Variants in DOP1A observed in about 807,000 individuals in gnomAD.
The protein encoded by DOP1A is protein DOP1A.
In DOP1A, 90 loss-of-function variants were observed where a neutral mutation model predicts 267.6. The ratio of observed to expected loss-of-function variants is 0.34; its 90% confidence interval spans 0.28 to 0.40. The LOEUF is 0.40. DOP1A is among the 10% of genes least tolerant of loss of function. The probability of loss-of-function intolerance (pLI) is 1.00; values close to 1 mark genes in which losing one functional copy is unlikely to be tolerated. For synonymous variants in DOP1A, 932 were observed against 999.1 expected (o/e 0.93, Z 1.27); for missense variants, 2,437 against 2,900.4 (o/e 0.84, Z 3.67).
chr6:83,155,689 A>T (rs1782646439), intron 33 of DOP1A, among the ~76,000 whole-genome samples: 1 of 152,192 alleles, frequency 6.6e-6, no homozygotes, highest in Non-Finnish European at 1.5e-5. Flanking sequence ...AGGGTTTTAT[A>T]TAAATGGTAT....
At chr6:83,154,116 A>G in intron 32 of DOP1A, 64 bp from the exon 33 acceptor site, 1 of 1,611,614 alleles carries the variant, frequency 6.2e-7, no homozygotes. Flanking sequence ...TCCCCTGGAA[A>G]GTTAGAATAC....
intron 24 of DOP1A, among the ~76,000 whole-genome samples, chr6:83,145,289 A>G: frequency 8.4e-6 from 1 of 118,596 alleles, no homozygotes; most frequent in Non-Finnish European, 1.7e-5. Context: ...TTTATATTAA[A>G]TAGAGGCCAG....
chr6:83,137,028 CAATAA>C (rs1431342951), intron 20 of DOP1A, 140 bp from the exon 21 acceptor site: 9 of 809,064 alleles, frequency 1.1e-5, no homozygotes, highest in East Asian at 2.9e-5. Context: ...CTTTCACCTG[CAATAA>C]AATAAAATGT....
chr6:83,167,789 ATAT>A, intron 38 of DOP1A, 70 bp from the exon 39 acceptor site: 1 of 1,476,884 alleles, frequency 6.8e-7, no homozygotes, highest in Non-Finnish European at 9.0e-7. Flanking sequence ...GCCAAAGTTT[ATAT>A]ATTTTTAATT....
At chr6:83,114,430 A>G (rs990886952) in intron 7 of DOP1A, among the ~76,000 whole-genome samples, 10 of 152,320 alleles carry the variant, frequency 6.6e-5, no homozygotes, top group African/African-American at 2.2e-4. Context: ...GCCAAACAGC[A>G]GCTCATAAGT....
chr6:83,084,475 A>T (rs1490060252), intron 1 of DOP1A, among the ~76,000 whole-genome samples: 1 of 152,250 alleles, frequency 6.6e-6, no homozygotes, highest in Non-Finnish European at 1.5e-5. Flanking sequence ...AAAGTATAAT[A>T]AAACTTTTTC....
chr6:83,071,972 A>T (rs1785690243), intron 1 of DOP1A, among the ~76,000 whole-genome samples: 1 of 152,160 alleles, frequency 6.6e-6, no homozygotes, highest in South Asian at 2.1e-4. Context: ...TGAGTAGATG[A>T]GGTAATAAAG....
chr6:83,104,381 T>G (rs1447792069), intron 4 of DOP1A, among the ~76,000 whole-genome samples: 1 of 152,196 alleles, frequency 6.6e-6, no homozygotes, highest in Non-Finnish European at 1.5e-5. Flanking sequence ...TGTTAAATAT[T>G]TTTGAAGGTT....
Position 83,100,883 on chromosome 6 carries a change from A to G in DOP1A, c.317A>G (p.Tyr106Cys), listed in dbSNP as rs1772441956. 3 of 1,499,850 alleles carry G rather than the reference A, an allele frequency of 2.0e-6. No homozygotes were observed. Among genetic ancestry groups the G allele is most frequent in the Non-Finnish European group, 2.7e-6 (3 of 1,119,828 alleles). 92.9% of individuals were successfully genotyped at this position (1,499,850 alleles called of 1,614,324 possible). Residue 106 changes from tyrosine to cysteine, a missense_variant, in exon 4 of 39, where the codon TAT (tyrosine) becomes TGT (cysteine). Coordinates refer to ENST00000349129, the MANE Select transcript of DOP1A (RefSeq NM_015018.4). ...PKRLAKDLFLYSSGLFPLLAN... is the reference protein window; with the variant it reads ...PKRLAKDLFLCSSGLFPLLAN... ...CGACTTGCCAAAGATCTTTTTTTATATAGGTAAGAATAATTTTACTATATA... is the reference window on the plus strand; with the variant it reads ...CGACTTGCCAAAGATCTTTTTTTATGTAGGTAAGAATAATTTTACTATATA...
At chr6:83,124,869 C>G (rs754542741) in intron 13 of DOP1A, 50 bp downstream of exon 13, 2 of 1,431,462 alleles carry the variant, frequency 1.4e-6, no homozygotes, top group South Asian at 2.4e-5. Context: ...TAACGTAGTT[C>G]AAATATTTCG....
At chr6:83,110,538 A>C (rs1362125044) in intron 6 of DOP1A, among the ~76,000 whole-genome samples, 2 of 152,194 alleles carry the variant, frequency 1.3e-5, no homozygotes, top group African/African-American at 2.4e-5. Flanking sequence ...TCTTTATAAG[A>C]AGTGAATTTT....
At chr6:83,105,451 G>A (rs1479934754) in intron 4 of DOP1A, among the ~76,000 whole-genome samples, 9 of 123,794 alleles carry the variant, frequency 7.3e-5, no homozygotes, top group Non-Finnish European at 1.1e-4. Context: ...TGCAACCTCC[G>A]CCTCCCAGGT....
rs768736486 is a variant in DOP1A, at chr6:83,151,873, AT to A, written c.5905-3del. ...GTACCATACATAGTTGTTCTTCCTT[AT>A]TTTTTTAGGATGTAACTCACAAAAT... On this transcript the variant is annotated splice_polypyrimidine_tract_variant and intron_variant, in intron 28 of 38. Coordinates refer to ENST00000349129, the MANE Select transcript of DOP1A (RefSeq NM_015018.4). The A allele has an allele frequency of 1.4e-5, 23 of 1,612,864 alleles. No individual in the cohort carries two copies. The Admixed American group carries it at 3.8e-4, about 27-fold the overall frequency.
At chr6:83,139,549 T>C (rs1779297693) in intron 21 of DOP1A, among the ~76,000 whole-genome samples, 1 of 152,184 alleles carries the variant, frequency 6.6e-6, no homozygotes, top group Non-Finnish European at 1.5e-5. Flanking sequence ...TTCCATCCAA[T>C]TTTATTTCTT....
At position 83,151,986 on chromosome 6, in the gene DOP1A, A is replaced by G. The variant is rs140403175; in HGVS notation, c.6008A>G (p.Lys2003Arg). Residue 2003 changes from lysine to arginine, a missense_variant, in exon 29 of 39, where the codon AAA becomes AGA. Coordinates refer to ENST00000349129, the MANE Select transcript of DOP1A (RefSeq NM_015018.4). ...AATCTTGAAGTTAAGCCTTCTCCCA[A>G]AATAATGGTAGATGGAACCAATTTG... The part of the protein sequence containing the change: ...RRNLEVKPSP[K>R]IMVDGTNLES... 11 of 1,613,840 alleles carry G rather than the reference A, an allele frequency of 6.8e-6. No homozygotes were observed. The highest frequency in any genetic ancestry group is 1.3e-5 in the African/African-American group (1 of 74,892).
chr6:83,090,031 T>G (rs1196885641), intron 1 of DOP1A, among the ~76,000 whole-genome samples: 3 of 152,242 alleles, frequency 2.0e-5, no homozygotes, highest in Admixed American at 6.5e-5. Context: ...TTTTCCAGTT[T>G]GCTGCCAAGA....
At chr6:83,151,691 G>C in intron 28 of DOP1A, 32 bp downstream of exon 28, 1 of 1,566,934 alleles carries the variant, frequency 6.4e-7, no homozygotes, top group Non-Finnish European at 8.6e-7. Context: ...TGCCAAAACT[G>C]TTTCTCAGTG....
chr6:83,168,409 A>G lies in DOP1A; in HGVS notation c.*242A>G, dbSNP rs1405600878. On this transcript the variant is annotated 3_prime_UTR_variant, in exon 39 of 39. Transcript: ENST00000349129. Reference sequence around the variant, plus strand: ...CTATATATATACACATGTAAAGTCCATTGTTTTTATTGTCCTGAGTTGTCT... The same window carrying G: ...CTATATATATACACATGTAAAGTCCGTTGTTTTTATTGTCCTGAGTTGTCT... The G allele has an allele frequency of 2.5e-6, 3 of 1,207,968 alleles. No individual in the cohort carries two copies. The African/African-American group carries it at 4.7e-5, about 19-fold the overall frequency. The allele number at this position is 1,207,968 out of a possible 1,614,324, so 74.8% of individuals were successfully genotyped here.
rs370298408 is a variant in DOP1A at position 83,096,964 on chromosome 6, G to A, written c.-14G>A. The A allele has an allele frequency of 1.2e-6, 2 of 1,613,068 alleles. No homozygotes were observed. Among genetic ancestry groups the A allele is most frequent in the African/African-American group, 1.3e-5 (1 of 75,004 alleles). ...TGAGTTTGGAACTGGTCTCTAGTGG[G>A]AAGTTGTGGGAGGATGAACACAGAA... On this transcript the variant is annotated 5_prime_UTR_variant, in exon 3 of 39. Coordinates refer to ENST00000349129, the MANE Select transcript of DOP1A (RefSeq NM_015018.4).
Sources: gnomAD v4.1 joint callset for allele counts (sites outside exome capture counted in the v4.1 genomes callset) on GRCh38, gnomAD v4.1.1 for gene constraint, MANE v1.5 for transcripts, NCBI Gene and HGNC (gene_info 2026-07-23, HGNC 2026-07-21) for gene names.